The following SEMA4F variants were observed in gnomAD, a reference collection of about 807,000 sequenced individuals.
The protein encoded by SEMA4F is ssemaphorin 4F.
In SEMA4F, 51 loss-of-function variants were observed where a neutral mutation model predicts 78.4. That is an observed-to-expected ratio of 0.65 (90% CI 0.52 to 0.82). The LOEUF is 0.82. Ranked by LOEUF, SEMA4F falls within the 40% of genes least tolerant of loss-of-function variation. The pLI is 0.00. For missense variants in SEMA4F, 938 were observed against 1,014.4 expected (o/e 0.92, Z 1.02); for synonymous variants, 418 against 408.7 (o/e 1.02, Z -0.27).
At chr2:74,697,680 G>A in the SEMA4F span, among the ~76,000 whole-genome samples, 1 of 152,126 alleles carries the variant, frequency 6.6e-6, no homozygotes, top group East Asian at 1.9e-4. Context: ...GCACATTGAA[G>A]GCCTCTCCAG....
chr2:74,691,323 A>G, the SEMA4F span, among the ~76,000 whole-genome samples: 5,170 of 152,324 alleles, frequency 0.034, 264 homozygotes, highest in African/African-American at 0.11. Context: ...AAAAGCTTTC[A>G]GAGATGCATT....
intron 1 of SEMA4F, among the ~76,000 whole-genome samples, chr2:74,656,152 G>A (rs1684123321): frequency 6.6e-6 from 1 of 151,922 alleles, no homozygotes; most frequent in African/African-American, 2.4e-5. Context: ...GGGATTACAG[G>A]TGCGCGCCAC....
intron 3 of SEMA4F, 51 bp from the exon 4 acceptor site, chr2:74,657,802 C>T: frequency 6.4e-7 from 1 of 1,551,874 alleles, no homozygotes; most frequent in Non-Finnish European, 8.9e-7. Context: ...TTACCTTACC[C>T]TTCCTCGTAC....
In SEMA4F at chr2:74,678,337, G is replaced by C. The variant is rs556930624; in HGVS notation, c.1644-939G>C. 9.9e-5 allele frequency among the ~76,000 whole-genome samples: 15 copies of C among 152,272 alleles called. No homozygotes were observed. The East Asian group carries it at 2.1e-3, about 22-fold the overall frequency. ...ATTGCCCATACCTCAGTTCATCCAAGGGAGAAGAACATAGACTGTGAAGTT... is the reference window on the plus strand; with the variant it reads ...ATTGCCCATACCTCAGTTCATCCAACGGAGAAGAACATAGACTGTGAAGTT... On this transcript the variant is annotated intron_variant, in intron 12 of 13. Transcript: ENST00000357877.
chr2:74,656,012 A>G (rs370536164), intron 1 of SEMA4F, among the ~76,000 whole-genome samples: 6 of 145,604 alleles, frequency 4.1e-5, no homozygotes, highest in African/African-American at 1.5e-4. Flanking sequence ...TGAGGTTTAG[A>G]TTTTTTTTTT....
chr2:74,703,584 G>A, the SEMA4F span, among the ~76,000 whole-genome samples: 785 of 152,330 alleles, frequency 5.2e-3, 10 homozygotes, highest in African/African-American at 0.018. Context: ...CCTTTTCCAG[G>A]AAGAGGCTGT....
chr2:74,665,435 T>C (rs1395830482), intron 5 of SEMA4F, among the ~76,000 whole-genome samples: 2 of 152,012 alleles, frequency 1.3e-5, no homozygotes, highest in African/African-American at 4.8e-5. Context: ...TTCACTGTGT[T>C]AGTCAGGATG....
rs776848170 is a variant in SEMA4F at position 74,679,265 on chromosome 2, CT to C, written c.1644-9del. On this transcript the variant is annotated splice_polypyrimidine_tract_variant and intron_variant, in intron 12 of 13. Coordinates refer to ENST00000357877, the MANE Select transcript of SEMA4F (RefSeq NM_004263.5). ...TCACACTGGATTTACCAAGCATTCT[CT>C]TCTTTATAGGTTGGTCCAAGACATA... 2 of 1,608,118 alleles carry C rather than the reference CT, an allele frequency of 1.2e-6. No homozygotes were observed. Among genetic ancestry groups the C allele is most frequent in the African/African-American group, 1.3e-5 (1 of 74,782 alleles).
chr2:74,669,754 T>C (rs569257753), intron 5 of SEMA4F, among the ~76,000 whole-genome samples: 4 of 152,290 alleles, frequency 2.6e-5, no homozygotes, highest in Admixed American at 2.6e-4. Context: ...CCATGACACA[T>C]GTTTATAGGC....
chr2:74,676,978 T>G (rs1360873282), intron 12 of SEMA4F, among the ~76,000 whole-genome samples: 1 of 152,174 alleles, frequency 6.6e-6, no homozygotes, highest in Non-Finnish European at 1.5e-5. Flanking sequence ...CTCGGCTCAC[T>G]GCAACCTCTG....
At chr2:74,669,067 C>G (rs1191197386) in intron 5 of SEMA4F, among the ~76,000 whole-genome samples, 1 of 151,838 alleles carries the variant, frequency 6.6e-6, no homozygotes, top group African/African-American at 2.4e-5. Context: ...TCAAGACCAG[C>G]TGGGGCAACA....
At chr2:74,670,477 C>T (rs1684929398) in intron 5 of SEMA4F, among the ~76,000 whole-genome samples, 1 of 152,186 alleles carries the variant, frequency 6.6e-6, no homozygotes, top group South Asian at 2.1e-4. Flanking sequence ...TTTCTGAGCT[C>T]CAGTGTTGCT....
Position 74,680,363 on chromosome 2 carries a change from C to A in SEMA4F, c.*154C>A. The A allele has an allele frequency of 2.3e-6, 2 of 869,240 alleles. No homozygotes were observed. The highest frequency in any genetic ancestry group is 1.7e-6 in the Non-Finnish European group (1 of 592,150). 53.8% of individuals were successfully genotyped at this position (869,240 alleles called of 1,614,324 possible). On this transcript the variant is annotated 3_prime_UTR_variant, in exon 14 of 14. Coordinates refer to ENST00000357877, the MANE Select transcript of SEMA4F (RefSeq NM_004263.5). ...GATTTTAGTATCTGTTCTCTCTGAG[C>A]CTGGATGGGCTTGGGGCCAGACCTT...
intron 3 of SEMA4F, 81 bp from the exon 4 acceptor site, chr2:74,657,772 T>G: frequency 7.0e-7 from 1 of 1,422,206 alleles, no homozygotes; most frequent in Non-Finnish European, 1.0e-6. Context: ...ATCCCAAAGC[T>G]GCATCTAACT....
chr2:74,662,680 C>A, intron 4 of SEMA4F, 52 bp from the exon 5 acceptor site: 2 of 1,451,168 alleles, frequency 1.4e-6, no homozygotes, highest in South Asian at 1.1e-5. Context: ...GTAATTCTCA[C>A]CATGAACCTT....
chr2:74,662,298 G>C (rs1228339955), intron 4 of SEMA4F, among the ~76,000 whole-genome samples: 1 of 152,062 alleles, frequency 6.6e-6, no homozygotes, highest in Non-Finnish European at 1.5e-5. Context: ...ACTTTTCTTT[G>C]TCCTTTCTAA....
In SEMA4F at chr2:74,682,337, A is replaced by G. The variant is rs1421584514; in HGVS notation, c.*2128A>G. ...AGGCTGAGGCAGGAGAATGGCGTGA[A>G]CCCGGGAGGTGGAGTTTGCAGTGAG... On this transcript the variant is annotated 3_prime_UTR_variant, in exon 14 of 14. Transcript: ENST00000357877. The G allele has an allele frequency of 6.6e-6, 1 of 151,278 alleles. No homozygotes were observed. The highest frequency in any genetic ancestry group is 1.5e-5 in the Non-Finnish European group (1 of 67,948). The allele number at this position is 151,278 out of a possible 1,614,324, so 9.4% of individuals were successfully genotyped here.
At chr2:74,665,814 A>G (rs1214031281) in intron 5 of SEMA4F, among the ~76,000 whole-genome samples, 3 of 152,004 alleles carry the variant, frequency 2.0e-5, no homozygotes, top group Admixed American at 6.5e-5. Flanking sequence ...TCTTGAGTCT[A>G]TAAAATTGTT....
At chr2:74,708,488 C>G in the SEMA4F span, among the ~76,000 whole-genome samples, 554 of 152,252 alleles carry the variant, frequency 3.6e-3, 6 homozygotes, top group African/African-American at 0.013. Flanking sequence ...TAATGAGACA[C>G]TCTACCCCAG....
Sources: gnomAD v4.1 joint callset for allele counts (sites outside exome capture counted in the v4.1 genomes callset) on GRCh38, gnomAD v4.1.1 for gene constraint, MANE v1.5 for transcripts, NCBI Gene and HGNC (gene_info 2026-07-23, HGNC 2026-07-21) for gene names.